Variants in AGXT2 observed in about 807,000 individuals in gnomAD.
AGXT2 encodes the protein alanine--glyoxylate aminotransferase 2.
A neutral mutation model predicts 62.5 loss-of-function variants in AGXT2; 61 were observed. The observed-to-expected ratio is 0.98, with a 90% confidence interval of 0.79 to 1.21. The LOEUF is 1.21. Ranked by LOEUF, AGXT2 falls within the 50% of genes most tolerant of loss-of-function variation. The pLI, the probability that AGXT2 is intolerant of heterozygous loss-of-function variation, is 0.00. For synonymous variants in AGXT2, 243 were observed against 218.7 expected (o/e 1.11, Z -0.98); for missense variants, 666 against 641.5 (o/e 1.04, Z -0.41).
intron 7 of AGXT2, among the ~76,000 whole-genome samples, chr5:35,027,906 C>A: frequency 6.6e-6 from 1 of 150,472 alleles, no homozygotes; most frequent in South Asian, 2.2e-4. Context: ...CCATTCAGCA[C>A]CAGAATCCTT....
intron 9 of AGXT2, among the ~76,000 whole-genome samples, chr5:35,018,882 T>C (rs1320250320): frequency 8.9e-5 from 13 of 145,424 alleles, no homozygotes; most frequent in Admixed American, 3.5e-4. Flanking sequence ...GAGGAAGATC[T>C]ACCAAGCAAA....
intron 9 of AGXT2, among the ~76,000 whole-genome samples, chr5:35,016,527 C>T (rs754709700): frequency 5.3e-5 from 8 of 152,136 alleles, no homozygotes; most frequent in Non-Finnish European, 1.0e-4. Flanking sequence ...GCAGCCCAAA[C>T]GTCTGTGGTC....
intron 8 of AGXT2, chr5:35,026,184 T>C (rs930768571): frequency 1.6e-6 from 1 of 606,490 alleles, no homozygotes. Flanking sequence ...TTCTTAAGAA[T>C]TTTAGGAGTT....
chr5:35,014,153 T>C, intron 9 of AGXT2, 34 bp from the exon 10 acceptor site: 1 of 1,613,676 alleles, frequency 6.2e-7, no homozygotes, highest in Non-Finnish European at 8.5e-7. Flanking sequence ...TTGGAAACCC[T>C]TCAAGAAATG....
At chr5:35,046,909 A>C (rs1330339377) in intron 1 of AGXT2, among the ~76,000 whole-genome samples, 1 of 152,182 alleles carries the variant, frequency 6.6e-6, no homozygotes, top group Non-Finnish European at 1.5e-5. Context: ...TCCATGTGAA[A>C]ATCACAAGCA....
At chr5:35,025,900 C>A (rs2112243396) in intron 8 of AGXT2, 45 bp from the exon 9 acceptor site, 2 of 1,539,396 alleles carry the variant, frequency 1.3e-6, no homozygotes, top group Non-Finnish European at 1.8e-6. Context: ...TAGCATCAGC[C>A]CTTTCAAAGT....
rs147655304 is a variant in AGXT2 at position 35,028,872 on chromosome 5, G to A, written c.770-2362C>T. Among the ~76,000 whole-genome samples, 406 of 152,296 alleles carry A rather than the reference G, an allele frequency of 2.7e-3. 1 individual carries two copies. Among genetic ancestry groups the A allele is most frequent in the African/African-American group, 9.1e-3 (378 of 41,552 alleles). On this transcript the variant is annotated intron_variant, in intron 7 of 13. Coordinates refer to ENST00000231420, the MANE Select transcript of AGXT2 (RefSeq NM_031900.4). Reference sequence around the variant, plus strand: ...CACCTACCATCCCAGTGCTTGCTTAGAGGCATGGATGCAGTGCTGTCTCCA... The same window carrying A: ...CACCTACCATCCCAGTGCTTGCTTAAAGGCATGGATGCAGTGCTGTCTCCA...
intron 12 of AGXT2, among the ~76,000 whole-genome samples, chr5:35,004,337 A>T (rs1010505818): frequency 2.6e-5 from 4 of 152,154 alleles, no homozygotes; most frequent in Non-Finnish European, 4.4e-5. Flanking sequence ...GCGCAGTGGG[A>T]CAGCTGAGGA....
chr5:35,002,776 T>TGG lies in AGXT2; in HGVS notation c.1437+985_1437+986dup, dbSNP rs139567894. Reference sequence around the variant, plus strand: ...GCTATGGCGCTTTGTGATAGCAGGCTGGGGGGGGGGACTAACACGGGAGGA... The same window carrying TGG: ...GCTATGGCGCTTTGTGATAGCAGGCTGGGGGGGGGGGGACTAACACGGGAGGA... On this transcript the variant is annotated intron_variant, in intron 13 of 13. Coordinates refer to ENST00000231420, the MANE Select transcript of AGXT2 (RefSeq NM_031900.4). Among the ~76,000 whole-genome samples the TGG allele has an allele frequency of 7.3e-3, 898 of 122,954 alleles. 9 individuals carry two copies. The East Asian group carries it at 0.081, about 11-fold the overall frequency. The allele number at this position is 122,954 out of a possible 152,430, so 80.7% of individuals were successfully genotyped here. A position where few individuals can be genotyped will look rare whatever the true frequency, so the allele number is the denominator to read the frequency against.
chr5:35,007,201 C>A (rs1766458920), intron 12 of AGXT2, among the ~76,000 whole-genome samples: 1 of 152,182 alleles, frequency 6.6e-6, no homozygotes, highest in Non-Finnish European at 1.5e-5. Context: ...CAAGAAGGCA[C>A]CATCTATGAA....
At chr5:35,011,649 A>T (rs1420641337) in intron 11 of AGXT2, among the ~76,000 whole-genome samples, 1 of 152,106 alleles carries the variant, frequency 6.6e-6, no homozygotes, top group Non-Finnish European at 1.5e-5. Flanking sequence ...ATGGTCGAAA[A>T]TCAGTGAGTG....
chr5:35,040,001 G>A (rs565882676), intron 2 of AGXT2, among the ~76,000 whole-genome samples: 3 of 151,900 alleles, frequency 2.0e-5, no homozygotes, highest in Non-Finnish European at 2.9e-5. Context: ...TTTCTAACCT[G>A]TAAGTATCAT....
chr5:35,010,211 G>A (rs761643888), intron 11 of AGXT2, 62 bp from the exon 12 acceptor site: 204 of 1,602,938 alleles, frequency 1.3e-4, no homozygotes, highest in Non-Finnish European at 1.6e-4. Flanking sequence ...ACTGAGAATC[G>A]TGGAGAAGTC....
At chr5:35,047,723 T>C in intron 1 of AGXT2, 82 bp downstream of exon 1, 2 of 1,539,778 alleles carry the variant, frequency 1.3e-6, no homozygotes, top group South Asian at 2.4e-5. Flanking sequence ...CATTCCAGAA[T>C]CCCAGGCAGC....
intron 9 of AGXT2, among the ~76,000 whole-genome samples, chr5:35,014,444 C>A (rs1404403506): frequency 9.8e-6 from 1 of 101,586 alleles, no homozygotes; most frequent in Non-Finnish European, 1.9e-5. Context: ...CAGGGTGAGA[C>A]TCCATCTCAA....
rs544940353 is a variant in AGXT2 at position 35,039,386 on chromosome 5, T to G, written c.300A>C (p.Glu100Asp). The G allele has an allele frequency of 9.9e-6, 16 of 1,614,178 alleles. No individual in the cohort carries two copies. The South Asian group carries it at 1.6e-4, about 17-fold the overall frequency. The change falls in exon 3 of 14, where the codon GAA (glutamate) becomes GAC (aspartate). Residue 100 changes from glutamate (E) to aspartate (D), a missense_variant. By Grantham distance (45) the Glu-to-Asp change is conservative. Coordinates refer to ENST00000231420, the MANE Select transcript of AGXT2 (RefSeq NM_031900.4). Reference sequence around the variant, plus strand: ...AAAAGAAATCCAGGTATCTGCTTCCTTCAGCATCAAAGAGCCACTCCATGT... The same window carrying G: ...AAAAGAAATCCAGGTATCTGCTTCCGTCAGCATCAAAGAGCCACTCCATGT... ...QGHMEWLFDA[E>D]GSRYLDFFSG...
At chr5:35,025,144 G>A (rs1035725636) in intron 9 of AGXT2, among the ~76,000 whole-genome samples, 2 of 152,228 alleles carry the variant, frequency 1.3e-5, no homozygotes, top group African/African-American at 2.4e-5. Flanking sequence ...GGGAGGCCAA[G>A]GCGGGCGGAT....
At chr5:35,011,913 TATACAC>T (rs1486855713) in intron 11 of AGXT2, among the ~76,000 whole-genome samples, 8 of 116,786 alleles carry the variant, frequency 6.9e-5, no homozygotes, top group Non-Finnish European at 1.0e-4. Flanking sequence ...AAATGTGGTG[TATACAC>T]ACACACACAC....
intron 4 of AGXT2, among the ~76,000 whole-genome samples, chr5:35,036,033 C>A (rs566193182): frequency 5.9e-5 from 9 of 151,796 alleles, no homozygotes; most frequent in Admixed American, 5.9e-4. Context: ...GCCGAGATTG[C>A]GCCATTGCAC....
Sources: gnomAD v4.1 joint callset for allele counts (sites outside exome capture counted in the v4.1 genomes callset) on GRCh38, gnomAD v4.1.1 for gene constraint, MANE v1.5 for transcripts, NCBI Gene and HGNC (gene_info 2026-07-23, HGNC 2026-07-21) for gene names.